The following CHRD variants were observed in gnomAD, a reference collection of about 807,000 sequenced individuals.
CHRD encodes the protein chordin.
Under a neutral mutation model 113.7 loss-of-function variants are expected in CHRD, and 69 were observed. That is an observed-to-expected ratio of 0.61 (90% confidence interval 0.50 to 0.74). The LOEUF is 0.74. CHRD is among the 30% of genes least tolerant of loss of function. The probability of loss-of-function intolerance (pLI) is 0.00; values close to 1 mark genes in which losing one functional copy is unlikely to be tolerated. For missense variants in CHRD, 1,194 were observed against 1,295.8 expected (o/e 0.92, Z 1.21); for synonymous variants, 561 against 540.8 (o/e 1.04, Z -0.52).
In CHRD at chr3:184,381,612, G is replaced by A. The variant is rs1370917340; in HGVS notation, c.499G>A (p.Asp167Asn). Residue 167 changes from aspartate to asparagine, a missense_variant, in exon 4 of 23, where the codon GAC becomes AAC. Coordinates refer to ENST00000204604, the Ensembl canonical transcript of CHRD. The surrounding 1 kb of genome is among the most constrained non-coding windows in gnomAD (Gnocchi z 4.7). The stretch of plus-strand genomic sequence containing the variant: ...AGGCGCTGAGGAGCGGGCCCGTGGT[G>A]ACGGCCACACGGGTAGGGGGCTGGC... 1 of 1,606,670 alleles carries A rather than the reference G, an allele frequency of 6.2e-7. No homozygotes were observed. The highest frequency in any genetic ancestry group is 2.2e-5 in the East Asian group (1 of 44,720).
chr3:184,386,555 G>C, exon 16 of CHRD: 1 of 1,546,512 alleles, frequency 6.5e-7, no homozygotes, highest in Non-Finnish European at 8.7e-7. Context: ...GGCCGAGGGG[G>C]TGCGGGCGCT....
Position 184,383,109 on chromosome 3 carries a change from G to A in CHRD, c.1159G>A (p.Gly387Ser), listed in dbSNP as rs34147749. 2.6e-3 allele frequency: 4,238 copies of A among 1,611,056 alleles called. 92 individuals carry two copies. The African/African-American group carries it at 0.049, about 18-fold the overall frequency. Residue 387 changes from glycine to serine, a missense_variant, in exon 10 of 23, where the codon GGC (glycine) becomes AGC (serine). Transcript: ENST00000204604. ...GCTGCAGATGGCCCTGGAGTGGGCAGGCAGGCCAGGGCTGCGCATCAGTGG... is the reference window on the plus strand; with the variant it reads ...GCTGCAGATGGCCCTGGAGTGGGCAAGCAGGCCAGGGCTGCGCATCAGTGG...
In CHRD at chr3:184,387,064, C is replaced by A; in HGVS notation, c.2304C>A (p.Val768=). 1 of 1,614,124 alleles carries A rather than the reference C, an allele frequency of 6.2e-7. No individual in the cohort carries two copies. Among genetic ancestry groups the A allele is most frequent in the South Asian group, 1.1e-5 (1 of 91,070 alleles). The change falls in exon 18 of 23, where the codon GTC becomes GTA. Residue 768 remains valine, a synonymous_variant. Transcript: ENST00000204604. This position sits in a 1 kb window ranked among gnomAD's most constrained non-coding sequence, Gnocchi z 6.1. Reference sequence around the variant, plus strand: ...TTGGCTCCACAGAGAAACAAGATGTCAGAGACTTGCCAGGGCTGCCAAGGA... The same window carrying A: ...TTGGCTCCACAGAGAAACAAGATGTAAGAGACTTGCCAGGGCTGCCAAGGA...
In CHRD at chr3:184,388,447, C is replaced by A; in HGVS notation, c.2555-140C>A. Reference sequence around the variant, plus strand: ...TCCATCCATCCGTCCCTTCATCCATCCATTCATCTGCCCACCCACCCATCC... The same window carrying A: ...TCCATCCATCCGTCCCTTCATCCATACATTCATCTGCCCACCCACCCATCC... On this transcript the variant is annotated intron_variant, in intron 20 of 22. Transcript: ENST00000204604. The surrounding 1 kb of genome is among the most constrained non-coding windows in gnomAD (Gnocchi z 6.1). 1.2e-6 allele frequency: 1 copy of A among 850,166 alleles called. No homozygotes were observed. The highest frequency in any genetic ancestry group is 1.8e-6 in the Non-Finnish European group (1 of 541,024). The allele number at this position is 850,166 out of a possible 1,614,324, so 52.7% of individuals were successfully genotyped here. A position where few individuals can be genotyped will look rare whatever the true frequency, so the allele number is the denominator to read the frequency against.
Position 184,386,286 on chromosome 3 carries a change from G to A in CHRD, c.1932+127G>A, listed in dbSNP as rs150714848. The A allele has an allele frequency of 1.0e-3, 1,264 of 1,216,632 alleles. 4 individuals carry two copies. Among genetic ancestry groups the A allele is most frequent in the Non-Finnish European group, 1.4e-3 (1,165 of 858,530 alleles). 75.4% of individuals were successfully genotyped at this position (1,216,632 alleles called of 1,614,324 possible). On this transcript the variant is annotated intron_variant, in intron 15 of 22. Transcript: ENST00000204604. ...GGTGGTCGTATCACAGCGCCCCCCC[G>A]GCTGGTGGGGAGGATGAGCTACATG...
exon 16 of CHRD, chr3:184,386,726 G>T (rs751844021): frequency 6.2e-7 from 1 of 1,612,626 alleles, no homozygotes; most frequent in Non-Finnish European, 8.5e-7. Context: ...GCCCAACTAC[G>T]ACCCGCTCTG....
At chr3:184,382,500 C>T (rs1715596566) in exon 7 of CHRD, 20 of 1,614,000 alleles carry the variant, frequency 1.2e-5, no homozygotes, top group Non-Finnish European at 1.7e-5. Context: ...GGTCTGGGGG[C>T]CTCTCATCCG....
exon 11 of CHRD, chr3:184,383,360 C>A: frequency 1.2e-6 from 2 of 1,613,864 alleles, no homozygotes; most frequent in African/African-American, 2.7e-5. Flanking sequence ...CCAGTCCAGA[C>A]GGGTGCTGCC....
rs778439644 is a variant in CHRD, at chr3:184,381,124, G to A, written c.253-111G>A. On this transcript the variant is annotated intron_variant, in intron 2 of 22. Coordinates refer to ENST00000204604, the Ensembl canonical transcript of CHRD. This position sits in a 1 kb window ranked among gnomAD's most constrained non-coding sequence, Gnocchi z 4.7. The stretch of plus-strand genomic sequence containing the variant: ...GATGAAGTAGCTTGTCTAGGGTCAC[G>A]CAGCTTGTAAGTGGCAGAGCTGGCT... 2 of 1,255,144 alleles carry A rather than the reference G, an allele frequency of 1.6e-6. No individual in the cohort carries two copies. The highest frequency in any genetic ancestry group is 2.3e-6 in the Non-Finnish European group (2 of 861,766). 77.8% of individuals were successfully genotyped at this position (1,255,144 alleles called of 1,614,324 possible). A position where few individuals can be genotyped will look rare whatever the true frequency, so the allele number is the denominator to read the frequency against.
intron 7 of CHRD, 32 bp downstream of exon 7, chr3:184,382,562 C>T (rs1165315925): frequency 6.2e-7 from 1 of 1,612,944 alleles, no homozygotes; most frequent in Admixed American, 1.7e-5. Flanking sequence ...GCGTGAAGTT[C>T]TGAGTCTTCT....
chr3:184,383,703 T>C (rs1259327919), intron 12 of CHRD, 61 bp downstream of exon 12: 5 of 1,527,146 alleles, frequency 3.3e-6, no homozygotes, highest in Non-Finnish European at 3.5e-6. Context: ...GGAAGCCAGG[T>C]TGGATGAGCA....
chr3:184,383,245 T>A, intron 10 of CHRD, 67 bp from the exon 11 acceptor site: 1 of 1,589,662 alleles, frequency 6.3e-7, no homozygotes, highest in East Asian at 2.2e-5. Context: ...GTGGGAGAGA[T>A]CCTGTGGACT....
Position 184,388,561 on chromosome 3 carries a change from G to A in CHRD, c.2555-26G>A, listed in dbSNP as rs769025473. On this transcript the variant is annotated intron_variant, in intron 20 of 22. Coordinates refer to ENST00000204604, the Ensembl canonical transcript of CHRD. This position sits in a 1 kb window ranked among gnomAD's most constrained non-coding sequence, Gnocchi z 6.1. Reference sequence around the variant, plus strand: ...AAAACCTTGTTGGTCCTCCTGGGCTGATCCTTTCTCTTTCCCTCTCAACAG... The same window carrying A: ...AAAACCTTGTTGGTCCTCCTGGGCTAATCCTTTCTCTTTCCCTCTCAACAG... The A allele has an allele frequency of 1.0e-5, 16 of 1,600,502 alleles. No homozygotes were observed. The highest frequency in any genetic ancestry group is 1.3e-5 in the Non-Finnish European group (15 of 1,177,890).
chr3:184,385,666 C>CAAAAA (rs533681477), intron 14 of CHRD, among the ~76,000 whole-genome samples: 4 of 39,358 alleles, frequency 1.0e-4, no homozygotes, highest in African/African-American at 2.0e-4. Context: ...AAATCCGTCT[C>CAAAAA]AAAAAAAAAA....
rs775197496 is a variant in CHRD at position 184,381,201 on chromosome 3, A to G, written c.253-34A>G. 2 of 1,612,022 alleles carry G rather than the reference A, an allele frequency of 1.2e-6. No individual in the cohort carries two copies. The highest frequency in any genetic ancestry group is 1.7e-6 in the Non-Finnish European group (2 of 1,179,742). On this transcript the variant is annotated intron_variant, in intron 2 of 22. Coordinates refer to ENST00000204604, the Ensembl canonical transcript of CHRD. The surrounding 1 kb of genome is among the most constrained non-coding windows in gnomAD (Gnocchi z 4.7). ...GGGGTCTCATCAGTTGGCATCTTGCACTCACTTGGGTTTCCCGCCTTTTCC... is the reference window on the plus strand; with the variant it reads ...GGGGTCTCATCAGTTGGCATCTTGCGCTCACTTGGGTTTCCCGCCTTTTCC...
In CHRD at chr3:184,384,352, T is replaced by C. The variant is rs1560305039; in HGVS notation, c.1441-185T>C. Reference sequence around the variant, plus strand: ...AGACTTGGAGAAGTTAAGTTACTCTTGAAGGTTGTTACATAGCTAGGAAGC... The same window carrying C: ...AGACTTGGAGAAGTTAAGTTACTCTCGAAGGTTGTTACATAGCTAGGAAGC... On this transcript the variant is annotated intron_variant, in intron 12 of 22. Coordinates refer to ENST00000204604, the Ensembl canonical transcript of CHRD. The surrounding 1 kb of genome is among the most constrained non-coding windows in gnomAD (Gnocchi z 4.4). Among the ~76,000 whole-genome samples, 1 of 152,212 alleles carries C rather than the reference T, an allele frequency of 6.6e-6. No individual in the cohort carries two copies. Among genetic ancestry groups the C allele is most frequent in the African/African-American group, 2.4e-5 (1 of 41,442 alleles).
chr3:184,387,213 C>A lies in CHRD; in HGVS notation c.2347+106C>A. The stretch of plus-strand genomic sequence containing the variant: ...AGTATATAGGGGGTGGCCTGAGGGG[C>A]ACAGATTCCAAGTGATGCCTGACAG... On this transcript the variant is annotated intron_variant, in intron 18 of 22. Transcript: ENST00000204604. This position sits in a 1 kb window ranked among gnomAD's most constrained non-coding sequence, Gnocchi z 6.1. 7.6e-7 allele frequency: 1 copy of A among 1,314,776 alleles called. No individual in the cohort carries two copies. The highest frequency in any genetic ancestry group is 1.1e-6 in the Non-Finnish European group (1 of 922,512). The allele number at this position is 1,314,776 out of a possible 1,614,324, so 81.4% of individuals were successfully genotyped here.
exon 15 of CHRD, chr3:184,386,083 T>C: frequency 6.2e-7 from 1 of 1,614,234 alleles, no homozygotes; most frequent in South Asian, 1.1e-5. Flanking sequence ...CCGGAACTGC[T>C]GCGGCACCTG....
Position 184,387,270 on chromosome 3 carries a change from C to A in CHRD, c.2348-104C>A, listed in dbSNP as rs1716478825. ...TTAGTGTTACTGGCCCCCAGGTGGGCCCTTGGCTTAGGCTCGTGTGGGGGT... is the reference window on the plus strand; with the variant it reads ...TTAGTGTTACTGGCCCCCAGGTGGGACCTTGGCTTAGGCTCGTGTGGGGGT... On this transcript the variant is annotated intron_variant, in intron 18 of 22. Transcript: ENST00000204604. The surrounding 1 kb of genome is among the most constrained non-coding windows in gnomAD (Gnocchi z 6.1). 3 of 1,397,254 alleles carry A rather than the reference C, an allele frequency of 2.1e-6. No individual in the cohort carries two copies. The highest frequency in any genetic ancestry group is 2.9e-5 in the African/African-American group (2 of 70,090). The allele number at this position is 1,397,254 out of a possible 1,614,324, so 86.6% of individuals were successfully genotyped here.
Sources: allele counts gnomAD v4.1 joint callset (sites outside exome capture counted in the v4.1 genomes callset), GRCh38; gene constraint gnomAD v4.1.1; non-coding constraint Gnocchi (gnomAD v3.1); transcripts MANE v1.5; gene names NCBI Gene and HGNC (gene_info 2026-07-23, HGNC 2026-07-21).